ZNF423: variants seen among roughly 807,000 people sequenced by gnomAD.
The protein encoded by ZNF423 is Ebf-associated zinc finger protein.
A neutral mutation model predicts 95.8 loss-of-function variants in ZNF423; 12 were observed. That is an observed-to-expected ratio of 0.13 (90% CI 0.08 to 0.20). The LOEUF is 0.20. Ranked by LOEUF, ZNF423 falls within the 10% of genes least tolerant of loss-of-function variation. The pLI is 1.00. For synonymous variants in ZNF423, 749 were observed against 711.9 expected, an observed-to-expected ratio of 1.05 and a Z score of -0.83; for missense variants, 1,316 against 1,737.1, an observed-to-expected ratio of 0.76 and a Z score of 4.31.
intron 3 of ZNF423, among the ~76,000 whole-genome samples, chr16:49,683,530 G>A (rs1596849763): frequency 6.6e-6 from 1 of 152,066 alleles, no homozygotes; most frequent in Admixed American, 6.5e-5. Flanking sequence ...GGTAACCCAG[G>A]GCTAGAATTC....
intron 5 of ZNF423, among the ~76,000 whole-genome samples, chr16:49,598,742 C>T (rs903903889): frequency 6.6e-6 from 1 of 152,248 alleles, no homozygotes; most frequent in African/African-American, 2.4e-5. Flanking sequence ...AAACTCACTG[C>T]TTCACTTCCA....
intron 1 of ZNF423, among the ~76,000 whole-genome samples, chr16:49,791,103 A>T (rs144293623): frequency 1.1e-4 from 17 of 152,340 alleles, no homozygotes; most frequent in African/African-American, 2.9e-4. Flanking sequence ...TGCAAGAGGG[A>T]ACATCCACGA....
At chr16:49,606,447 T>C (rs1205185452) in intron 5 of ZNF423, among the ~76,000 whole-genome samples, 2 of 152,166 alleles carry the variant, frequency 1.3e-5, no homozygotes, top group East Asian at 1.9e-4. Context: ...AAAGTTGATA[T>C]GCAGAATGTT....
Position 49,604,866 on chromosome 16 carries a change from C to T in ZNF423, c.3601+21304G>A, listed in dbSNP as rs1021455606. On this transcript the variant is annotated intron_variant, in intron 5 of 7. Coordinates refer to ENST00000563137, the MANE Select transcript of ZNF423 (RefSeq NM_001379286.1). The stretch of plus-strand genomic sequence containing the variant: ...GTGTGATGAAAGCCGGACACTGTCC[C>T]CTCCAGAACCCAGACTGTCCACATC... 4.6e-5 allele frequency among the ~76,000 whole-genome samples: 7 copies of T among 152,266 alleles called. No individual in the cohort carries two copies. In the South Asian group the frequency reaches 6.2e-4, roughly 14 times the overall value.
At chr16:49,698,567 C>T (rs1404437094) in intron 3 of ZNF423, among the ~76,000 whole-genome samples, 1 of 152,118 alleles carries the variant, frequency 6.6e-6, no homozygotes, top group African/African-American at 2.4e-5. Context: ...CAGCCTCTCC[C>T]AGTCAGTCTG....
rs186790129 is a variant in ZNF423, at chr16:49,619,652, C to T, written c.3601+6518G>A. On this transcript the variant is annotated intron_variant, in intron 5 of 7. Coordinates refer to ENST00000563137, the MANE Select transcript of ZNF423 (RefSeq NM_001379286.1). ...GTACAGGCTTGTTATTCTGACAGAA[C>T]AGTTCCAGAACCTGAAACATGATCT... Among the ~76,000 whole-genome samples, 67 of 152,134 alleles carry T rather than the reference C, an allele frequency of 4.4e-4. No homozygotes were observed. In the East Asian group the frequency reaches 0.012, roughly 27 times the overall value.
At chr16:49,723,926 A>C (rs1169776369) in intron 3 of ZNF423, among the ~76,000 whole-genome samples, 1 of 152,148 alleles carries the variant, frequency 6.6e-6, no homozygotes, top group African/African-American at 2.4e-5. Flanking sequence ...TCCGCTCCAG[A>C]GCAATCTGAG....
At chr16:49,742,701 T>A (rs559986017) in intron 2 of ZNF423, among the ~76,000 whole-genome samples, 88 of 152,262 alleles carry the variant, frequency 5.8e-4, no homozygotes, top group African/African-American at 2.1e-3. Context: ...AGCTAATTTG[T>A]GGCCAGTGCT....
chr16:49,700,767 G>A (rs899794905), intron 3 of ZNF423, among the ~76,000 whole-genome samples: 3 of 152,164 alleles, frequency 2.0e-5, no homozygotes, highest in Admixed American at 6.5e-5. Flanking sequence ...CCCCCTCCTT[G>A]GGCCCCCTCT....
At chr16:49,502,239 A>G (rs1484586267) in intron 7 of ZNF423, among the ~76,000 whole-genome samples, 2 of 152,178 alleles carry the variant, frequency 1.3e-5, no homozygotes, top group Non-Finnish European at 2.9e-5. Flanking sequence ...AGATGGCCCA[A>G]CATTAGTTGA....
rs980321146 is a variant in ZNF423, at chr16:49,814,065, A to T, written c.41-24519T>A. On this transcript the variant is annotated intron_variant, in intron 1 of 7. Coordinates refer to ENST00000563137, the MANE Select transcript of ZNF423 (RefSeq NM_001379286.1). The stretch of plus-strand genomic sequence containing the variant: ...AAGCCCAGAGGACGCAGGAAGTGAC[A>T]GTTCCAGGGAAGGCGTGAGGTCGAA... Among the ~76,000 whole-genome samples the T allele has an allele frequency of 1.8e-4, 27 of 152,350 alleles. 1 individual carries two copies. The highest frequency in any genetic ancestry group is 1.4e-3 in the Admixed American group (21 of 15,312).
rs75258715 is a variant in ZNF423 at position 49,570,817 on chromosome 16, G to A, written c.3602-45323C>T. ...AGAGTCGTGATACCAGGGGCCAGAG[G>A]CCAGGGCAGCCTCCATCCCATCACT... On this transcript the variant is annotated intron_variant, in intron 5 of 7. Coordinates refer to ENST00000563137, the MANE Select transcript of ZNF423 (RefSeq NM_001379286.1). Among the ~76,000 whole-genome samples the A allele has an allele frequency of 3.9e-3, 595 of 152,332 alleles. 5 individuals are homozygous for A. Among genetic ancestry groups the A allele is most frequent in the African/African-American group, 0.014 (569 of 41,558 alleles).
intron 3 of ZNF423, among the ~76,000 whole-genome samples, chr16:49,724,581 G>A (rs1249191920): frequency 6.6e-6 from 1 of 152,220 alleles, no homozygotes; most frequent in African/African-American, 2.4e-5. Context: ...GAGCAAGAAA[G>A]GGGCCTGAGC....
chr16:49,561,811 C>T (rs1481846570), intron 5 of ZNF423, among the ~76,000 whole-genome samples: 1 of 152,144 alleles, frequency 6.6e-6, no homozygotes, highest in African/African-American at 2.4e-5. Context: ...TGGATGTGTT[C>T]TGGATGCATT....
intron 1 of ZNF423, among the ~76,000 whole-genome samples, chr16:49,791,859 A>G (rs565674320): frequency 1.2e-4 from 18 of 152,068 alleles, no homozygotes; most frequent in African/African-American, 4.3e-4. Flanking sequence ...AAACTTAGCC[A>G]GGCATGGTGG....
intron 4 of ZNF423, among the ~76,000 whole-genome samples, chr16:49,630,011 C>G (rs1479475760): frequency 6.6e-6 from 1 of 152,200 alleles, no homozygotes; most frequent in Non-Finnish European, 1.5e-5. Context: ...CTGACAAAAC[C>G]AGGGGCCTTT....
At chr16:49,711,589 G>T (rs1424237343) in intron 3 of ZNF423, 1 of 152,192 alleles carries the variant, frequency 6.6e-6, no homozygotes, top group African/African-American at 2.4e-5. Flanking sequence ...ACAGACCACT[G>T]AAAAAGAAAA....
At chr16:49,594,621 A>G (rs1402940890) in intron 5 of ZNF423, among the ~76,000 whole-genome samples, 1 of 152,114 alleles carries the variant, frequency 6.6e-6, no homozygotes, top group Non-Finnish European at 1.5e-5. Context: ...CCACAAACAC[A>G]CTCAAAGACA....
chr16:49,737,813 A>T (rs912590913), intron 2 of ZNF423, among the ~76,000 whole-genome samples: 1 of 152,222 alleles, frequency 6.6e-6, no homozygotes, highest in Non-Finnish European at 1.5e-5. Context: ...GGGTCAGCCA[A>T]TGTCGGCCCC....
Sources: allele counts gnomAD v4.1 joint callset (sites outside exome capture counted in the v4.1 genomes callset), GRCh38; gene constraint gnomAD v4.1.1; transcripts MANE v1.5; gene names NCBI Gene and HGNC (gene_info 2026-07-23, HGNC 2026-07-21).